The following XRRA1 variants were observed in gnomAD, a reference collection of about 807,000 sequenced individuals.
The protein encoded by XRRA1 is X-ray radiation resistance-associated protein 1.
Under a neutral mutation model 80.2 loss-of-function variants are expected in XRRA1, and 69 were observed. The observed-to-expected ratio is 0.86, with a 90% confidence interval of 0.71 to 1.05. The LOEUF is 1.05. XRRA1 is among the 50% of genes least tolerant of loss of function. The probability of loss-of-function intolerance (pLI) is 0.00; values close to 1 mark genes in which losing one functional copy is unlikely to be tolerated. For synonymous variants in XRRA1, 348 were observed against 389.9 expected, an observed-to-expected ratio of 0.89 and a Z score of 1.27; for missense variants, 967 against 976.4, an observed-to-expected ratio of 0.99 and a Z score of 0.13.
At chr11:74,852,447 TA>T (rs1463589658) in intron 12 of XRRA1, among the ~76,000 whole-genome samples, 1 of 152,216 alleles carries the variant, frequency 6.6e-6, no homozygotes, top group Non-Finnish European at 1.5e-5. Context: ...CTTTATCTCA[TA>T]AAGATTCTGG....
At chr11:74,904,833 C>A (rs1002357957) in intron 10 of XRRA1, among the ~76,000 whole-genome samples, 7 of 141,956 alleles carry the variant, frequency 4.9e-5, no homozygotes. Flanking sequence ...TTAAAATACA[C>A]AACCTACCAA....
chr11:74,907,209 G>T lies in XRRA1; in HGVS notation c.721C>A (p.Leu241Met). The change falls in exon 9 of 19, where the codon CTG becomes ATG. Residue 241 changes from leucine to methionine, a missense_variant. Physicochemically the swap from Leu to Met is conservative, Grantham distance 15. Transcript: ENST00000684022. ...YILRFPALET[L>M]MLDDNRLSNP... The stretch of plus-strand genomic sequence containing the variant: ...GAGAGTCTGTTGTCATCCAGCATCA[G>T]TGTCTCCAGCGCTGGGAACCTCAGG... 6.2e-7 allele frequency: 1 copy of T among 1,613,998 alleles called. No individual in the cohort carries two copies.
chr11:74,844,351 G>A, intron 16 of XRRA1, 68 bp from the exon 17 acceptor site: 1 of 1,155,942 alleles, frequency 8.7e-7, no homozygotes, highest in South Asian at 1.3e-5. Flanking sequence ...TCCCCTGATT[G>A]CTTCATTCCT....
intron 10 of XRRA1, among the ~76,000 whole-genome samples, chr11:74,894,889 T>C (rs567164951): frequency 1.3e-5 from 2 of 152,166 alleles, no homozygotes; most frequent in Non-Finnish European, 2.9e-5. Flanking sequence ...GAAATACCAA[T>C]TCATAGAAGT....
At chr11:74,885,093 G>A (rs1157010006) in intron 10 of XRRA1, among the ~76,000 whole-genome samples, 1 of 151,958 alleles carries the variant, frequency 6.6e-6, no homozygotes, top group Non-Finnish European at 1.5e-5. Flanking sequence ...GTGAGACCTT[G>A]TCTCTACAAA....
At chr11:74,900,097 G>A (rs949428365) in intron 10 of XRRA1, among the ~76,000 whole-genome samples, 3 of 151,620 alleles carry the variant, frequency 2.0e-5, no homozygotes, top group South Asian at 2.1e-4. Context: ...CCCAGGAGGC[G>A]GAGGTTGCAG....
At chr11:74,901,041 T>C (rs1349099237) in intron 10 of XRRA1, among the ~76,000 whole-genome samples, 3 of 152,186 alleles carry the variant, frequency 2.0e-5, no homozygotes, top group Admixed American at 6.5e-5. Flanking sequence ...TATGATCTTA[T>C]ATTGGAAAAA....
intron 7 of XRRA1, among the ~76,000 whole-genome samples, chr11:74,927,175 C>T (rs545664915): frequency 6.6e-6 from 1 of 152,296 alleles, no homozygotes; most frequent in South Asian, 2.1e-4. Context: ...TTGGTATCAA[C>T]TATTTGCTGC....
chr11:74,861,196 C>T (rs76373520), intron 11 of XRRA1, among the ~76,000 whole-genome samples: 2,939 of 152,260 alleles, frequency 0.019, 76 homozygotes, highest in African/African-American at 0.064. Flanking sequence ...GGTCCTGATT[C>T]GTGTCATTTA....
chr11:74,846,819 C>T (rs1027188449), intron 15 of XRRA1, among the ~76,000 whole-genome samples: 1 of 152,080 alleles, frequency 6.6e-6, no homozygotes, highest in Non-Finnish European at 1.5e-5. Context: ...AATGCTTTCC[C>T]CTTAAGAACA....
intron 15 of XRRA1, chr11:74,846,100 T>G (rs1224254620): frequency 1.3e-5 from 2 of 152,138 alleles, no homozygotes; most frequent in Non-Finnish European, 2.9e-5. Context: ...TGAACTTGCC[T>G]AGGTAGAAAA....
intron 10 of XRRA1, among the ~76,000 whole-genome samples, chr11:74,873,043 T>C (rs1009216624): frequency 8.5e-5 from 13 of 152,304 alleles, no homozygotes; most frequent in Middle Eastern, 3.4e-3. Flanking sequence ...AGCATCCTTA[T>C]AGCCCCAAGA....
At chr11:74,934,530 A>G (rs1944460116) in intron 4 of XRRA1, among the ~76,000 whole-genome samples, 1 of 152,228 alleles carries the variant, frequency 6.6e-6, no homozygotes, top group African/African-American at 2.4e-5. Context: ...GAAATTTAAG[A>G]TGCTATGAGA....
rs1947204327 is a variant in XRRA1, at chr11:74,945,007, A to G, written c.-5+11T>C. On this transcript the variant is annotated intron_variant, in intron 2 of 18. Transcript: ENST00000684022. ...TATGGTGACCTGGCTTCAGGTCTCC[A>G]GAGTACTTACTTGATCTTTGACTTT... The G allele has an allele frequency of 6.6e-6, 1 of 152,616 alleles. No individual in the cohort carries two copies. The highest frequency in any genetic ancestry group is 2.4e-5 in the African/African-American group (1 of 41,440). The allele number at this position is 152,616 out of a possible 1,614,324, so 9.5% of individuals were successfully genotyped here.
At chr11:74,868,342 C>A (rs2043946881) in intron 10 of XRRA1, among the ~76,000 whole-genome samples, 1 of 152,120 alleles carries the variant, frequency 6.6e-6, no homozygotes, top group Non-Finnish European at 1.5e-5. Flanking sequence ...TCATTACTAT[C>A]CGACCAGATA....
At chr11:74,854,955 C>G (rs1287168690) in intron 12 of XRRA1, among the ~76,000 whole-genome samples, 2 of 152,064 alleles carry the variant, frequency 1.3e-5, no homozygotes, top group African/African-American at 4.8e-5. Flanking sequence ...GAGGCTGAGG[C>G]AGAAGAATCA....
chr11:74,854,415 G>A lies in XRRA1; in HGVS notation c.1171-2333C>T, dbSNP rs187697494. On this transcript the variant is annotated intron_variant, in intron 12 of 18. Coordinates refer to ENST00000684022, the MANE Select transcript of XRRA1 (RefSeq NM_001378157.1). ...TTTTCTGTCAAAGACCATATAATAAGTGTTTTAGGCTTTGCAGACCATATG... is the reference window on the plus strand; with the variant it reads ...TTTTCTGTCAAAGACCATATAATAAATGTTTTAGGCTTTGCAGACCATATG... 2.8e-3 allele frequency among the ~76,000 whole-genome samples: 419 copies of A among 152,260 alleles called. 2 individuals carry two copies. Among genetic ancestry groups the A allele is most frequent in the African/African-American group, 9.9e-3 (410 of 41,544 alleles).
At chr11:74,931,410 C>T (rs992699855) in intron 5 of XRRA1, among the ~76,000 whole-genome samples, 1 of 151,822 alleles carries the variant, frequency 6.6e-6, no homozygotes, top group Admixed American at 6.6e-5. Flanking sequence ...CCGCAACCTC[C>T]ACCTTCTGGG....
chr11:74,934,218 T>C (rs1944387253), intron 4 of XRRA1, among the ~76,000 whole-genome samples: 1 of 152,248 alleles, frequency 6.6e-6, no homozygotes, highest in African/African-American at 2.4e-5. Context: ...AAGTGACAGA[T>C]CTTACTAATC....
Sources: gnomAD v4.1 joint callset for allele counts (sites outside exome capture counted in the v4.1 genomes callset) on GRCh38, gnomAD v4.1.1 for gene constraint, MANE v1.5 for transcripts, NCBI Gene and HGNC (gene_info 2026-07-23, HGNC 2026-07-21) for gene names.